The following ARAP2 variants were observed in gnomAD, a reference collection of about 807,000 sequenced individuals.
ARAP2 encodes the protein ArfGAP with RhoGAP domain, ankyrin repeat and PH domain 2, also known as arf-GAP with Rho-GAP domain, ANK repeat and PH domain-containing protein 2.
Under a neutral mutation model 194.5 loss-of-function variants are expected in ARAP2, and 148 were observed. That is an observed-to-expected ratio of 0.76 (90% CI 0.67 to 0.87). The LOEUF is 0.87. ARAP2 is among the 40% of genes least tolerant of loss of function. The probability of loss-of-function intolerance (pLI) is 0.00; values close to 1 mark genes in which losing one functional copy is unlikely to be tolerated. For synonymous variants in ARAP2, 695 were observed against 683.5 expected, an observed-to-expected ratio of 1.02 and a Z score of -0.26; for missense variants, 2,128 against 1,989.7, an observed-to-expected ratio of 1.07 and a Z score of -1.32.
At chr4:36,035,687 T>C (rs1719785647) in intron 5 of ARAP2, among the ~76,000 whole-genome samples, 2 of 152,146 alleles carry the variant, frequency 1.3e-5, no homozygotes, top group South Asian at 4.1e-4. Flanking sequence ...AATTTGTTCA[T>C]CAATACATTT....
chr4:36,150,693 T>C lies in ARAP2; in HGVS notation c.2897+207A>G, dbSNP rs138510448. ...GATTCGAAGATGCTAGCACTTCATATTACCTACTATAAATATTTTAGTCTT... is the reference window on the plus strand; with the variant it reads ...GATTCGAAGATGCTAGCACTTCATACTACCTACTATAAATATTTTAGTCTT... On this transcript the variant is annotated intron_variant, in intron 16 of 32. Transcript: ENST00000303965. Among the ~76,000 whole-genome samples, 3 of 152,188 alleles carry C rather than the reference T, an allele frequency of 2.0e-5. No individual in the cohort carries two copies. In the East Asian group the frequency reaches 5.8e-4, roughly 29 times the overall value.
chr4:36,228,137 A>G (rs560052732), intron 2 of ARAP2, among the ~76,000 whole-genome samples: 15 of 152,316 alleles, frequency 9.8e-5, no homozygotes, highest in African/African-American at 2.6e-4. Flanking sequence ...AGTTCAATAG[A>G]CATGTGCTGA....
intron 2 of ARAP2, among the ~76,000 whole-genome samples, chr4:36,225,115 T>A (rs1750012815): frequency 6.6e-6 from 1 of 151,940 alleles, no homozygotes; most frequent in Non-Finnish European, 1.5e-5. Flanking sequence ...CTCAAAGGAG[T>A]CAACACAGCC....
chr4:36,055,691 G>A (rs1241234372), intron 2 of ARAP2, among the ~76,000 whole-genome samples: 3 of 152,010 alleles, frequency 2.0e-5, no homozygotes, highest in African/African-American at 4.8e-5. Flanking sequence ...AACCTCCCAA[G>A]GAGCTGGGAT....
intron 19 of ARAP2, among the ~76,000 whole-genome samples, chr4:36,143,532 A>G (rs1215097720): frequency 6.6e-6 from 1 of 151,746 alleles, no homozygotes; most frequent in East Asian, 1.9e-4. Flanking sequence ...CCTCAATACC[A>G]TATAGGCAAA....
intron 30 of ARAP2, 83 bp from the exon 31 acceptor site, chr4:36,080,362 C>G (rs536354303): frequency 8.8e-7 from 1 of 1,130,012 alleles, no homozygotes; most frequent in Non-Finnish European, 1.3e-6. Context: ...ATTTGGTGAT[C>G]AAAAATCTCT....
At chr4:36,124,995 G>T (rs1184737533) in intron 21 of ARAP2, 28 bp from the exon 22 acceptor site, 2 of 1,383,318 alleles carry the variant, frequency 1.4e-6, no homozygotes, top group Non-Finnish European at 2.1e-6. Context: ...ACAATCTTGA[G>T]ATCTAAACTA....
At chr4:36,038,177 G>A (rs1194573533) in intron 5 of ARAP2, among the ~76,000 whole-genome samples, 4 of 152,128 alleles carry the variant, frequency 2.6e-5, no homozygotes, top group African/African-American at 4.8e-5. Context: ...CAGCTTTATC[G>A]TGAGGGCAAG....
Position 36,229,612 on chromosome 4 carries a change from T to C in ARAP2, c.-126A>G, listed in dbSNP as rs1040329772. On this transcript the variant is annotated 5_prime_UTR_variant, in exon 2 of 33. Coordinates refer to ENST00000303965, the MANE Select transcript of ARAP2 (RefSeq NM_015230.4). Reference sequence around the variant, plus strand: ...GACAGAAAAGTTTCTTAAAATGTTATTTTCTTCACAGTGACTGCTTTACCT... The same window carrying C: ...GACAGAAAAGTTTCTTAAAATGTTACTTTCTTCACAGTGACTGCTTTACCT... The C allele has an allele frequency of 4.2e-6, 3 of 721,404 alleles. No homozygotes were observed. Among genetic ancestry groups the C allele is most frequent in the Non-Finnish European group, 2.2e-6 (1 of 455,736 alleles). The allele number at this position is 721,404 out of a possible 1,614,324, so 44.7% of individuals were successfully genotyped here. A position where few individuals can be genotyped will look rare whatever the true frequency, so the allele number is the denominator to read the frequency against.
At chr4:36,232,050 G>A (rs1180435538) in intron 1 of ARAP2, among the ~76,000 whole-genome samples, 1 of 152,192 alleles carries the variant, frequency 6.6e-6, no homozygotes, top group Non-Finnish European at 1.5e-5. Flanking sequence ...GGAAAAGGTG[G>A]CTATCTGTAA....
chr4:36,219,695 T>G (rs1328917167), intron 2 of ARAP2, among the ~76,000 whole-genome samples: 1 of 152,188 alleles, frequency 6.6e-6, no homozygotes, highest in Admixed American at 6.5e-5. Flanking sequence ...CATGTATATA[T>G]ATGTATACAC....
In ARAP2 at chr4:36,229,550, G is replaced by A; in HGVS notation, c.-64C>T. The A allele has an allele frequency of 7.8e-7, 1 of 1,287,158 alleles. No individual in the cohort carries two copies. Among genetic ancestry groups the A allele is most frequent in the Non-Finnish European group, 1.1e-6 (1 of 930,686 alleles). The allele number at this position is 1,287,158 out of a possible 1,614,324, so 79.7% of individuals were successfully genotyped here. ...GCACGATGAGACACACACACAAGAAGATGTACTTCTCTACTGGCTTTTCCT... is the reference window on the plus strand; with the variant it reads ...GCACGATGAGACACACACACAAGAAAATGTACTTCTCTACTGGCTTTTCCT... On this transcript the variant is annotated 5_prime_UTR_variant, in exon 2 of 33. Coordinates refer to ENST00000303965, the MANE Select transcript of ARAP2 (RefSeq NM_015230.4).
chr4:36,178,482 T>C (rs1433505710), intron 8 of ARAP2, among the ~76,000 whole-genome samples: 1 of 152,200 alleles, frequency 6.6e-6, no homozygotes, highest in Non-Finnish European at 1.5e-5. Context: ...TGGAACCTGC[T>C]CTAGAGTATG....
chr4:36,141,585 C>T (rs979570951), intron 19 of ARAP2, among the ~76,000 whole-genome samples: 1 of 151,660 alleles, frequency 6.6e-6, no homozygotes, highest in Non-Finnish European at 1.5e-5. Flanking sequence ...AATTTATGAA[C>T]ATTTCCAGTT....
intron 5 of ARAP2, among the ~76,000 whole-genome samples, chr4:36,021,357 T>A (rs1716909013): frequency 6.6e-6 from 1 of 152,246 alleles, no homozygotes; most frequent in Non-Finnish European, 1.5e-5. Context: ...TCATGTTCAA[T>A]TGTAATCCCC....
chr4:36,052,830 T>C (rs1722904579), intron 2 of ARAP2, among the ~76,000 whole-genome samples: 1 of 151,832 alleles, frequency 6.6e-6, no homozygotes, highest in African/African-American at 2.4e-5. Flanking sequence ...GAGCCGGGCG[T>C]GGTGGCGGGT....
At chr4:36,070,390 GAGAGAT>G (rs1726561808) in intron 32 of ARAP2, among the ~76,000 whole-genome samples, 2 of 152,224 alleles carry the variant, frequency 1.3e-5, no homozygotes, top group South Asian at 4.1e-4. Context: ...TAAAAAGAGA[GAGAGAT>G]AAAGTCTGAA....
At chr4:36,178,789 T>C (rs1489686069) in intron 8 of ARAP2, among the ~76,000 whole-genome samples, 1 of 152,212 alleles carries the variant, frequency 6.6e-6, no homozygotes, top group Non-Finnish European at 1.5e-5. Flanking sequence ...GAAGGTCATA[T>C]AGCAAGTTAG....
intron 19 of ARAP2, among the ~76,000 whole-genome samples, chr4:36,146,936 C>CATAGATAATT (rs1729761621): frequency 6.6e-6 from 1 of 151,834 alleles, no homozygotes; most frequent in African/African-American, 2.4e-5. Flanking sequence ...GACCCACATG[C>CATAGATAATT]ATAGATAATT....
Sources: allele counts gnomAD v4.1 joint callset (sites outside exome capture counted in the v4.1 genomes callset), GRCh38; gene constraint gnomAD v4.1.1; transcripts MANE v1.5; gene names NCBI Gene and HGNC (gene_info 2026-07-23, HGNC 2026-07-21).